PXDNL: variants seen among roughly 807,000 people sequenced by gnomAD.
PXDNL encodes the protein probable oxidoreductase PXDNL.
A neutral mutation model predicts 150.8 loss-of-function variants in PXDNL; 145 were observed. The ratio of observed to expected loss-of-function variants is 0.96; its 90% CI spans 0.84 to 1.10. The LOEUF is 1.10. Ranked by LOEUF, PXDNL falls within the 50% of genes least tolerant of loss-of-function variation. The pLI is 0.00. For missense variants in PXDNL, 2,087 were observed against 1,873.9 expected (o/e 1.11, Z -2.10); for synonymous variants, 757 against 725.7 (o/e 1.04, Z -0.69).
chr8:51,772,060 C>T (rs956042367), intron 1 of PXDNL, among the ~76,000 whole-genome samples: 3 of 152,070 alleles, frequency 2.0e-5, no homozygotes, highest in Non-Finnish European at 4.4e-5. Context: ...TCCATGCCCA[C>T]ACCACCCCTT....
intron 17 of PXDNL, among the ~76,000 whole-genome samples, chr8:51,387,470 G>A (rs182127182): frequency 1.0e-3 from 152 of 152,122 alleles, no homozygotes; most frequent in East Asian, 3.5e-3. Context: ...CTCTATGTTC[G>A]GTAGGAAAAA....
At chr8:51,759,827 T>C (rs1204148798) in intron 1 of PXDNL, among the ~76,000 whole-genome samples, 2 of 152,222 alleles carry the variant, frequency 1.3e-5, no homozygotes, top group Non-Finnish European at 2.9e-5. Flanking sequence ...CCCAGTGAAA[T>C]ATCTTGCTTG....
intron 19 of PXDNL, among the ~76,000 whole-genome samples, chr8:51,370,484 A>G (rs151095675): frequency 5.8e-4 from 88 of 152,298 alleles, no homozygotes; most frequent in African/African-American, 2.0e-3. Flanking sequence ...GGACTATTTC[A>G]TTATTCCTGG....
At chr8:51,558,793 T>C (rs1410269061) in intron 3 of PXDNL, among the ~76,000 whole-genome samples, 5 of 152,098 alleles carry the variant, frequency 3.3e-5, no homozygotes, top group Non-Finnish European at 5.9e-5. Context: ...CCAGATATGT[T>C]ACTACCTATA....
At chr8:51,517,078 C>A (rs2979113) in intron 4 of PXDNL, among the ~76,000 whole-genome samples, 3,131 of 152,196 alleles carry the variant, frequency 0.021, 40 homozygotes, top group Middle Eastern at 0.041. Flanking sequence ...TGATTTATTT[C>A]AATTCATTGT....
At chr8:51,558,383 TA>T (rs1216549330) in intron 3 of PXDNL, among the ~76,000 whole-genome samples, 5 of 152,058 alleles carry the variant, frequency 3.3e-5, no homozygotes, top group Non-Finnish European at 7.4e-5. Flanking sequence ...TCTGTAAATG[TA>T]CCCCACTGGA....
intron 1 of PXDNL, among the ~76,000 whole-genome samples, chr8:51,716,378 A>C (rs1213010298): frequency 6.6e-6 from 1 of 152,236 alleles, no homozygotes; most frequent in Non-Finnish European, 1.5e-5. Context: ...AGTGCACAAC[A>C]CATAAATTCC....
intron 5 of PXDNL, among the ~76,000 whole-genome samples, chr8:51,494,109 G>C (rs1044718283): frequency 6.6e-6 from 1 of 152,188 alleles, no homozygotes; most frequent in Admixed American, 6.5e-5. Context: ...AGCCAGAAGA[G>C]AGTGGGGGCC....
intron 1 of PXDNL, among the ~76,000 whole-genome samples, chr8:51,800,302 A>G (rs1401322774): frequency 2.0e-5 from 3 of 152,218 alleles, no homozygotes; most frequent in African/African-American, 4.8e-5. Flanking sequence ...TTATGTTAAT[A>G]TATTTTATAT....
rs189982995 is a variant in PXDNL, at chr8:51,575,582, G to T, written c.308+17045C>A. ...ATACAAAAATTAGCCAGGTGGTGTG[G>T]TGCACGCCTGTAGTCCCAGCTACTC... On this transcript the variant is annotated intron_variant, in intron 3 of 22. Transcript: ENST00000356297. Among the ~76,000 whole-genome samples the T allele has an allele frequency of 8.0e-3, 1,223 of 152,052 alleles. 11 individuals carry two copies. Among genetic ancestry groups the T allele is most frequent in the Non-Finnish European group, 0.014 (923 of 67,948 alleles).
At chr8:51,485,797 C>T (rs114429699) in intron 5 of PXDNL, among the ~76,000 whole-genome samples, 208 of 152,298 alleles carry the variant, frequency 1.4e-3, no homozygotes, top group African/African-American at 4.7e-3. Context: ...ATCTTTCTTG[C>T]CATGCTTTAA....
chr8:51,599,634 AATG>A (rs1038647284), intron 2 of PXDNL, among the ~76,000 whole-genome samples: 12 of 146,252 alleles, frequency 8.2e-5, no homozygotes, highest in African/African-American at 2.8e-4. Flanking sequence ...ATCTTATATA[AATG>A]ATATCATTTA....
intron 1 of PXDNL, among the ~76,000 whole-genome samples, chr8:51,758,477 AT>A (rs2037126678): frequency 6.6e-6 from 1 of 152,230 alleles, no homozygotes; most frequent in Admixed American, 6.5e-5. Context: ...GACAAGTGAT[AT>A]GGTTAAGCTT....
At chr8:51,789,060 C>T (rs2037486391) in intron 1 of PXDNL, among the ~76,000 whole-genome samples, 1 of 152,106 alleles carries the variant, frequency 6.6e-6, no homozygotes, top group Non-Finnish European at 1.5e-5. Context: ...GGACATAGTG[C>T]TATCTGCCCA....
At chr8:51,619,611 C>A (rs921740920) in intron 2 of PXDNL, among the ~76,000 whole-genome samples, 4 of 152,134 alleles carry the variant, frequency 2.6e-5, no homozygotes, top group African/African-American at 9.7e-5. Context: ...GTCTGTGGCA[C>A]CTCCCCGCTT....
At chr8:51,732,217 T>C (rs1021737895) in intron 1 of PXDNL, among the ~76,000 whole-genome samples, 1 of 152,204 alleles carries the variant, frequency 6.6e-6, no homozygotes, top group African/African-American at 2.4e-5. Flanking sequence ...CTTAGAAATT[T>C]CTTCTGCCAG....
chr8:51,351,703 T>A (rs553689178), intron 19 of PXDNL, among the ~76,000 whole-genome samples: 1 of 152,300 alleles, frequency 6.6e-6, no homozygotes, highest in Admixed American at 6.5e-5. Flanking sequence ...CTCATGAGGC[T>A]CCAATCTGTT....
chr8:51,657,685 C>A (rs1815180391), intron 1 of PXDNL, among the ~76,000 whole-genome samples: 1 of 152,130 alleles, frequency 6.6e-6, no homozygotes. Context: ...TTCAGTTGTA[C>A]AAAATGATGC....
chr8:51,405,887 C>G (rs1403750325), intron 17 of PXDNL, among the ~76,000 whole-genome samples: 2 of 152,212 alleles, frequency 1.3e-5, no homozygotes, highest in African/African-American at 2.4e-5. Flanking sequence ...TTCAAACATT[C>G]TCCCAGGCAA....
Sources: gnomAD v4.1 joint callset for allele counts (sites outside exome capture counted in the v4.1 genomes callset) on GRCh38, gnomAD v4.1.1 for gene constraint, MANE v1.5 for transcripts, NCBI Gene and HGNC (gene_info 2026-07-23, HGNC 2026-07-21) for gene names.